The following ADARB2 variants were observed in gnomAD, a reference collection of about 807,000 sequenced individuals.
The protein encoded by ADARB2 is adenosine deaminase RNA specific B2 (inactive).
A neutral mutation model predicts 62.2 loss-of-function variants in ADARB2; 25 were observed. The ratio of observed to expected loss-of-function variants is 0.40; its 90% CI spans 0.29 to 0.56. The LOEUF (loss-of-function observed/expected upper bound fraction) is 0.56. Among genes scored for constraint, ADARB2 ranks in the 20% least tolerant of loss-of-function variants. The pLI, the probability that ADARB2 is intolerant of heterozygous loss-of-function variation, is 0.43. For synonymous variants in ADARB2, 572 were observed against 500.8 expected (o/e 1.14, Z -1.90); for missense variants, 1,071 against 1,077.4 (o/e 0.99, Z 0.08).
At chr10:1,270,882 C>G (rs1470420317) in intron 4 of ADARB2, 73 bp downstream of exon 4, 2 of 1,376,492 alleles carry the variant, frequency 1.5e-6, no homozygotes, top group African/African-American at 2.9e-5. Context: ...CTTTTGGCCT[C>G]CAAGATCAGG....
chr10:1,208,447 G>T (rs1393478116), intron 7 of ADARB2, among the ~76,000 whole-genome samples: 2 of 152,344 alleles, frequency 1.3e-5, no homozygotes, highest in African/African-American at 2.4e-5. Flanking sequence ...ACACCTGGGT[G>T]TGTCTGTCCC....
At chr10:1,186,988 C>G (rs758296638) in intron 8 of ADARB2, among the ~76,000 whole-genome samples, 15 of 152,274 alleles carry the variant, frequency 9.9e-5, no homozygotes, top group Non-Finnish European at 2.1e-4. Context: ...CCCAGATCCT[C>G]TGCTGCTCCC....
Position 1,363,103 on chromosome 10 carries a change from G to C in ADARB2, c.1002C>G (p.Ala334=), listed in dbSNP as rs774427511. Residue 334 remains alanine, a synonymous_variant, in exon 3 of 10, where the codon GCC becomes GCG. Transcript: ENST00000381312. ...GGATGTCGAACAGCTCCTGCAGTGC[G>C]GCCTGCGCGGCCTGACCCCGGGCCA... is the stretch of plus-strand genomic sequence containing the variant. The part of the protein sequence containing the change: ...KKLARGQAAQ[A]ALQELFDIQM... 6.6e-7 allele frequency: 1 copy of C among 1,523,756 alleles called. No individual in the cohort carries two copies. The highest frequency in any genetic ancestry group is 8.7e-7 in the Non-Finnish European group (1 of 1,144,146). 94.4% of individuals were successfully genotyped at this position (1,523,756 alleles called of 1,614,324 possible).
At chr10:1,269,410 A>G (rs1259028072) in intron 4 of ADARB2, among the ~76,000 whole-genome samples, 1 of 152,200 alleles carries the variant, frequency 6.6e-6, no homozygotes, top group Non-Finnish European at 1.5e-5. Context: ...GCACTGACTA[A>G]ATAATTTGTA....
At chr10:1,232,724 T>C (rs935399295) in intron 6 of ADARB2, among the ~76,000 whole-genome samples, 4 of 106,664 alleles carry the variant, frequency 3.8e-5, no homozygotes, top group Admixed American at 2.0e-4. Context: ...GGTATGTGTG[T>C]AGTGTATGTG....
chr10:1,614,784 A>T (rs7901763), intron 1 of ADARB2, among the ~76,000 whole-genome samples: 10 of 151,830 alleles, frequency 6.6e-5, no homozygotes, highest in African/African-American at 2.4e-4. Flanking sequence ...GGTGGCGGGC[A>T]CCTGTAGTCC....
chr10:1,729,901 C>A (rs1454797285), intron 1 of ADARB2, among the ~76,000 whole-genome samples: 2 of 152,192 alleles, frequency 1.3e-5, no homozygotes, highest in Non-Finnish European at 2.9e-5. Context: ...TGAGGCAGAG[C>A]TTCTGTCTGT....
intron 3 of ADARB2, among the ~76,000 whole-genome samples, chr10:1,357,576 T>C (rs1832208267): frequency 6.6e-6 from 1 of 152,206 alleles, no homozygotes; most frequent in African/African-American, 2.4e-5. Flanking sequence ...CTGTATTTTA[T>C]CTGGTAACCC....
chr10:1,259,333 A>C lies in ADARB2; in HGVS notation c.1192+11622T>G, dbSNP rs888345149. ...ACTGAAGGAAATAGAGACACAAAAA[A>C]CCTTCAAAAAATTAATGAATCCAGG... On this transcript the variant is annotated intron_variant, in intron 4 of 9. Coordinates refer to ENST00000381312, the MANE Select transcript of ADARB2 (RefSeq NM_018702.4). Among the ~76,000 whole-genome samples, 33 of 152,142 alleles carry C rather than the reference A, an allele frequency of 2.2e-4. No individual in the cohort carries two copies. In the East Asian group the frequency reaches 3.5e-3, roughly 16 times the overall value.
At chr10:1,634,926 G>A (rs540477351) in intron 1 of ADARB2, among the ~76,000 whole-genome samples, 22 of 152,244 alleles carry the variant, frequency 1.4e-4, no homozygotes, top group Admixed American at 4.6e-4. Flanking sequence ...CATTCTAGTC[G>A]ATTCTTGGTC....
At chr10:1,691,353 G>A (rs1461787271) in intron 1 of ADARB2, among the ~76,000 whole-genome samples, 2 of 152,150 alleles carry the variant, frequency 1.3e-5, no homozygotes, top group African/African-American at 2.4e-5. Flanking sequence ...CATTGGTTAA[G>A]CTGCCTGGTC....
intron 1 of ADARB2, among the ~76,000 whole-genome samples, chr10:1,423,452 T>C (rs1832867491): frequency 6.6e-6 from 1 of 152,172 alleles, no homozygotes; most frequent in Non-Finnish European, 1.5e-5. Flanking sequence ...GTCCTGGCAG[T>C]GTGGCTGCTG....
At chr10:1,461,420 C>A (rs1238614538) in intron 1 of ADARB2, among the ~76,000 whole-genome samples, 1 of 152,122 alleles carries the variant, frequency 6.6e-6, no homozygotes, top group African/African-American at 2.4e-5. Flanking sequence ...GACTCGTAAT[C>A]CTTTTATCAT....
rs1308185342 is a variant in ADARB2 at position 1,427,966 on chromosome 10, A to ATTT, written c.101-48809_101-48807dup. 1.4e-4 allele frequency among the ~76,000 whole-genome samples: 20 copies of ATTT among 144,540 alleles called. 1 individual carries two copies. The highest frequency in any genetic ancestry group is 5.1e-4 in the African/African-American group (20 of 39,040). 94.8% of individuals were successfully genotyped at this position (144,540 alleles called of 152,430 possible). ...ATGCTGAATGAAAAAAGCCAGTCCC[A>ATTT]TTTTTTTTTTTTTTTTGAGACAGAG... On this transcript the variant is annotated intron_variant, in intron 1 of 9. Transcript: ENST00000381312.
At chr10:1,436,039 A>T (rs1830831584) in intron 1 of ADARB2, among the ~76,000 whole-genome samples, 1 of 152,072 alleles carries the variant, frequency 6.6e-6, no homozygotes, top group Non-Finnish European at 1.5e-5. Context: ...AGTCGGGAGG[A>T]TGTTTGAGGC....
intron 1 of ADARB2, among the ~76,000 whole-genome samples, chr10:1,440,571 A>G: frequency 6.6e-6 from 1 of 152,194 alleles, no homozygotes; most frequent in East Asian, 1.9e-4. Context: ...TAATATTTTC[A>G]ATTTTAATTC....
intron 5 of ADARB2, among the ~76,000 whole-genome samples, chr10:1,234,142 C>A (rs1454579676): frequency 6.6e-6 from 1 of 151,780 alleles, no homozygotes; most frequent in Non-Finnish European, 1.5e-5. Context: ...GCATGCGCCA[C>A]CACGCCTAGT....
At chr10:1,373,332 C>A (rs183436231) in intron 2 of ADARB2, among the ~76,000 whole-genome samples, 7 of 150,340 alleles carry the variant, frequency 4.7e-5, no homozygotes, top group East Asian at 1.9e-4. Flanking sequence ...ACACACCCAC[C>A]CACACACACA....
At chr10:1,228,168 C>T (rs1442459606) in intron 6 of ADARB2, among the ~76,000 whole-genome samples, 1 of 152,204 alleles carries the variant, frequency 6.6e-6, no homozygotes, top group Non-Finnish European at 1.5e-5. Flanking sequence ...GTACTAGGCT[C>T]ATAGCATGTA....
Sources: allele counts gnomAD v4.1 joint callset (sites outside exome capture counted in the v4.1 genomes callset), GRCh38; gene constraint gnomAD v4.1.1; transcripts MANE v1.5; gene names NCBI Gene and HGNC (gene_info 2026-07-23, HGNC 2026-07-21).